SMARCA2: variants seen among roughly 807,000 people sequenced by gnomAD.
SMARCA2 encodes the protein SWI/SNF related BAF chromatin remodeling complex subunit ATPase 2.
A neutral mutation model predicts 199.8 loss-of-function variants in SMARCA2; 61 were observed. The ratio of observed to expected loss-of-function variants is 0.31; its 90% CI spans 0.25 to 0.38. SMARCA2 has a LOEUF of 0.38. Among genes scored for constraint, SMARCA2 ranks in the 10% least tolerant of loss-of-function variants. The pLI, the probability that SMARCA2 is intolerant of heterozygous loss-of-function variation, is 1.00. For missense variants in SMARCA2, 1,344 were observed against 2,012.2 expected, an observed-to-expected ratio of 0.67 and a Z score of 6.35; for synonymous variants, 935 against 732.0, an observed-to-expected ratio of 1.28 and a Z score of -4.48.
At chr9:2,135,765 ACTC>A (rs1824167024) in intron 27 of SMARCA2, among the ~76,000 whole-genome samples, 1 of 151,420 alleles carries the variant, frequency 6.6e-6, no homozygotes, top group Admixed American at 6.6e-5. Flanking sequence ...CTGGTCTTGA[ACTC>A]CTGACCTCAG....
At chr9:2,068,974 T>C (rs866226986) in intron 9 of SMARCA2, 5 of 152,062 alleles carry the variant, frequency 3.3e-5, no homozygotes, top group African/African-American at 1.2e-4. Flanking sequence ...TGGAGTGCAC[T>C]GGCACCATCT....
chr9:2,059,519 A>C (rs895834099), intron 8 of SMARCA2, among the ~76,000 whole-genome samples: 3 of 152,208 alleles, frequency 2.0e-5, no homozygotes, highest in Non-Finnish European at 4.4e-5. Flanking sequence ...GTCTGACTCA[A>C]CTGAAGTGAA....
intron 4 of SMARCA2, chr9:2,041,799 C>A (rs1014363529): frequency 6.2e-6 from 1 of 162,398 alleles, no homozygotes; most frequent in African/African-American, 2.4e-5. Flanking sequence ...GGTTTTAAAA[C>A]TGCAAAACTC....
intron 9 of SMARCA2, among the ~76,000 whole-genome samples, chr9:2,062,301 C>A (rs1820628548): frequency 6.6e-6 from 1 of 152,106 alleles, no homozygotes; most frequent in Admixed American, 6.5e-5. Context: ...TAAGTGGACC[C>A]CATTAAATGG....
intron 5 of SMARCA2, among the ~76,000 whole-genome samples, chr9:2,049,927 C>T (rs1263473265): frequency 6.6e-6 from 1 of 152,120 alleles, no homozygotes; most frequent in Non-Finnish European, 1.5e-5. Flanking sequence ...GTCTAAAAAA[C>T]CTCTTTTACA....
chr9:2,032,860 C>T, intron 2 of SMARCA2, 92 bp from the exon 3 acceptor site: 1 of 1,233,496 alleles, frequency 8.1e-7, no homozygotes, highest in Non-Finnish European at 1.1e-6. Flanking sequence ...TAGTGCCACA[C>T]TTTTAAAGAA....
At chr9:2,153,515 A>G (rs1041705941) in intron 27 of SMARCA2, among the ~76,000 whole-genome samples, 19 of 152,176 alleles carry the variant, frequency 1.2e-4, no homozygotes, top group Non-Finnish European at 2.2e-4. Flanking sequence ...CAGCCTGGGT[A>G]ACAGAATGAG....
intron 23 of SMARCA2, among the ~76,000 whole-genome samples, chr9:2,107,131 A>T (rs1394017192): frequency 1.3e-5 from 2 of 151,502 alleles, no homozygotes; most frequent in African/African-American, 4.9e-5. Flanking sequence ...TTGTTAAATT[A>T]AAAAAATATT....
intron 10 of SMARCA2, among the ~76,000 whole-genome samples, 165 bp downstream of exon 10, chr9:2,070,636 ATACAGTGAAAAATAATCTACT>A (rs1399877944): frequency 2.0e-5 from 3 of 152,256 alleles, no homozygotes; most frequent in African/African-American, 7.2e-5. Context: ...TACAAAAGGG[ATACAGTGAAAAATAATCTACT>A]TACATGTCAG....
intron 28 of SMARCA2, among the ~76,000 whole-genome samples, chr9:2,168,642 C>CA (rs1296208039): frequency 1.3e-5 from 2 of 152,246 alleles, no homozygotes; most frequent in Admixed American, 1.3e-4. Flanking sequence ...TGGATCTTTA[C>CA]ACTGGCATTC....
rs1424700384 is a variant in SMARCA2, at chr9:2,086,486, A to T, written c.2527-343A>T. Among the ~76,000 whole-genome samples the T allele has an allele frequency of 6.6e-6, 1 of 152,240 alleles. No homozygotes were observed. Among genetic ancestry groups the T allele is most frequent in the Admixed American group, 6.5e-5 (1 of 15,284 alleles). On this transcript the variant is annotated intron_variant, in intron 17 of 33. Transcript: ENST00000349721. This position sits in a 1 kb window ranked among gnomAD's most constrained non-coding sequence, Gnocchi z 4.3. ...GACCATGAAATCTGGGATAGCTGTC[A>T]TGATAACGTATTAATAGAAGGGGCA...
In SMARCA2 at chr9:2,119,671, G is replaced by A; in HGVS notation, c.3762+136G>A. On this transcript the variant is annotated intron_variant, in intron 26 of 33. Transcript: ENST00000349721. This position sits in a 1 kb window ranked among gnomAD's most constrained non-coding sequence, Gnocchi z 4.6. ...ATGCCTTTCCTTCAGTTCAGAGGCT[G>A]CAAACTGGCTGGAGTTAGCCTGCAG... 2 of 620,018 alleles carry A rather than the reference G, an allele frequency of 3.2e-6. No homozygotes were observed. Among genetic ancestry groups the A allele is most frequent in the Non-Finnish European group, 2.9e-6 (1 of 347,952 alleles). 38.4% of individuals were successfully genotyped at this position (620,018 alleles called of 1,614,324 possible).
chr9:2,160,420 T>A (rs890678306), intron 27 of SMARCA2: 28 of 548,986 alleles, frequency 5.1e-5, no homozygotes, highest in Non-Finnish European at 8.1e-5. Context: ...CATATTTTTT[T>A]AAAAATCCCA....
At chr9:2,174,306 A>ATGTT (rs1334979889) in intron 29 of SMARCA2, among the ~76,000 whole-genome samples, 2 of 152,118 alleles carry the variant, frequency 1.3e-5, no homozygotes, top group Admixed American at 6.5e-5. Flanking sequence ...CACTCTATAA[A>ATGTT]TGTTTTGATT....
intron 27 of SMARCA2, among the ~76,000 whole-genome samples, chr9:2,131,286 C>T (rs535050483): frequency 8.5e-5 from 13 of 152,254 alleles, no homozygotes; most frequent in South Asian, 2.1e-4. Flanking sequence ...ACCTTTCTTA[C>T]GGCATCATAT....
At chr9:2,175,627 A>G (rs1826528595) in intron 29 of SMARCA2, among the ~76,000 whole-genome samples, 1 of 152,180 alleles carries the variant, frequency 6.6e-6, no homozygotes, top group African/African-American at 2.4e-5. Flanking sequence ...TATTTGACTT[A>G]TGGCATGTTT....
rs570898848 is a variant in SMARCA2 at position 2,169,470 on chromosome 9, A to T, written c.4200-949A>T. Among the ~76,000 whole-genome samples the T allele has an allele frequency of 6.6e-6, 1 of 152,030 alleles. No individual in the cohort carries two copies. The highest frequency in any genetic ancestry group is 6.5e-5 in the Admixed American group (1 of 15,270). ...GCTCTCCTTATATTTCAGACATTCCAAAGAATTCTGTGTATTTTGAAGCGA... is the reference window on the plus strand; with the variant it reads ...GCTCTCCTTATATTTCAGACATTCCTAAGAATTCTGTGTATTTTGAAGCGA... On this transcript the variant is annotated intron_variant, in intron 28 of 33. Transcript: ENST00000349721. This position sits in a 1 kb window ranked among gnomAD's most constrained non-coding sequence, Gnocchi z 6.5.
chr9:2,053,699 T>G (rs1820228726), intron 5 of SMARCA2, among the ~76,000 whole-genome samples: 1 of 152,228 alleles, frequency 6.6e-6, no homozygotes, highest in African/African-American at 2.4e-5. Context: ...TGCCTCAGAT[T>G]TAGGGGATGT....
chr9:2,077,701 C>G lies in SMARCA2; in HGVS notation c.2109C>G (p.Thr703=). The G allele has an allele frequency of 6.2e-7, 1 of 1,613,880 alleles. No homozygotes were observed. Among genetic ancestry groups the G allele is most frequent in the Non-Finnish European group, 8.5e-7 (1 of 1,179,786 alleles). ...YSARGSQSYY[T]VAHAISERVE... Reference sequence around the variant, plus strand: ...CCAGGGGCTCCCAGTCCTACTACACCGTGGCTCATGCCATCTCGGAGAGGG... The same window carrying G: ...CCAGGGGCTCCCAGTCCTACTACACGGTGGCTCATGCCATCTCGGAGAGGG... Residue 703 remains threonine, a synonymous_variant, in exon 14 of 34, where the codon ACC becomes ACG. Transcript: ENST00000349721.
Sources: gnomAD v4.1 joint callset for allele counts (sites outside exome capture counted in the v4.1 genomes callset) on GRCh38, gnomAD v4.1.1 for gene constraint, Gnocchi (gnomAD v3.1) non-coding constraint, MANE v1.5 for transcripts, NCBI Gene and HGNC (gene_info 2026-07-23, HGNC 2026-07-21) for gene names.